Variants in DPP10 observed in about 807,000 individuals in gnomAD.
DPP10 encodes inactive dipeptidyl peptidase 10.
In DPP10, 33 loss-of-function variants were observed where a neutral mutation model predicts 120.9. The ratio of observed to expected loss-of-function variants is 0.27; its 90% confidence interval spans 0.21 to 0.37. The LOEUF is 0.37. DPP10 is among the 10% of genes least tolerant of loss of function. The pLI is 1.00. For synonymous variants in DPP10, 337 were observed against 326.1 expected, an observed-to-expected ratio of 1.03 and a Z score of -0.36; for missense variants, 816 against 942.8, an observed-to-expected ratio of 0.87 and a Z score of 1.76.
At chr2:114,697,749 CAAA>C (rs1205351658) in intron 1 of DPP10, among the ~76,000 whole-genome samples, 4 of 89,048 alleles carry the variant, frequency 4.5e-5, no homozygotes, top group Non-Finnish European at 2.2e-5. Context: ...GACTCTGTCT[CAAA>C]AAAAAAAAAA....
At chr2:114,941,664 G>A (rs1424233706) in intron 1 of DPP10, among the ~76,000 whole-genome samples, 2 of 152,142 alleles carry the variant, frequency 1.3e-5, no homozygotes, top group Non-Finnish European at 2.9e-5. Flanking sequence ...AAATTGTTGA[G>A]ATTAATTCAA....
At chr2:115,189,404 C>T (rs750746791) in intron 1 of DPP10, among the ~76,000 whole-genome samples, 9 of 152,044 alleles carry the variant, frequency 5.9e-5, no homozygotes, top group Non-Finnish European at 1.0e-4. Flanking sequence ...AGCAGGTGAC[C>T]AGGGGAACAG....
intron 1 of DPP10, among the ~76,000 whole-genome samples, chr2:114,969,732 C>T (rs931799234): frequency 6.6e-5 from 10 of 152,198 alleles, no homozygotes; most frequent in Middle Eastern, 3.4e-3. Context: ...AACCAACCAA[C>T]CAAACAAACA....
At chr2:114,799,061 G>A (rs144107692) in intron 1 of DPP10, among the ~76,000 whole-genome samples, 1,638 of 152,172 alleles carry the variant, frequency 0.011, 29 homozygotes, top group Middle Eastern at 0.024. Context: ...CCTGAGAGGC[G>A]GAGGTTGCAG....
chr2:115,365,404 C>G (rs1185678089), intron 3 of DPP10, among the ~76,000 whole-genome samples: 1 of 151,828 alleles, frequency 6.6e-6, no homozygotes, highest in Non-Finnish European at 1.5e-5. Context: ...ATCCTAGATT[C>G]CAAGAACTAA....
chr2:115,232,162 G>A (rs765681585), intron 1 of DPP10, among the ~76,000 whole-genome samples: 6 of 152,156 alleles, frequency 3.9e-5, no homozygotes, highest in Non-Finnish European at 7.4e-5. Context: ...CTTGGCATCG[G>A]AAGGCTCCCC....
intron 1 of DPP10, among the ~76,000 whole-genome samples, chr2:114,892,926 A>T (rs1426911474): frequency 6.6e-6 from 1 of 152,194 alleles, no homozygotes; most frequent in Non-Finnish European, 1.5e-5. Flanking sequence ...AGCAGAAGCA[A>T]CTGAAAATCT....
chr2:114,460,189 CTATCT>C (rs1678811120), intron 1 of DPP10, among the ~76,000 whole-genome samples: 1 of 151,144 alleles, frequency 6.6e-6, no homozygotes, highest in Non-Finnish European at 1.5e-5. Flanking sequence ...ATCTATCTAT[CTATCT>C]ATCTATCTAT....
At chr2:115,608,883 A>C (rs2149244443) in intron 5 of DPP10, among the ~76,000 whole-genome samples, 1 of 152,268 alleles carries the variant, frequency 6.6e-6, no homozygotes, top group African/African-American at 2.4e-5. Flanking sequence ...ACAAAGTTGA[A>C]GACATTGAAA....
chr2:115,458,682 T>G (rs2105046139), intron 3 of DPP10, among the ~76,000 whole-genome samples: 1 of 152,226 alleles, frequency 6.6e-6, no homozygotes, highest in East Asian at 1.9e-4. Flanking sequence ...GCTTGAATAT[T>G]GAGACTTTTG....
chr2:114,896,999 G>A lies in DPP10; in HGVS notation c.61-412240G>A, dbSNP rs1376808033. ...TCTGCATCTATTGAGATAATCATGT[G>A]GTTTTTGTCTTTGGCTCTGTTTATA... On this transcript the variant is annotated intron_variant, in intron 1 of 25. Transcript: ENST00000410059. 1.6e-4 allele frequency among the ~76,000 whole-genome samples: 25 copies of A among 152,070 alleles called. 1 individual carries two copies. Among genetic ancestry groups the A allele is most frequent in the Admixed American group, 1.6e-3 (25 of 15,262 alleles).
intron 17 of DPP10, among the ~76,000 whole-genome samples, chr2:115,786,872 G>A (rs1683402666): frequency 6.6e-6 from 1 of 152,168 alleles, no homozygotes. Context: ...GCTGGAAGAG[G>A]GATCACCCTG....
intron 1 of DPP10, among the ~76,000 whole-genome samples, chr2:114,553,339 G>T (rs948009349): frequency 1.3e-5 from 2 of 152,156 alleles, no homozygotes; most frequent in Admixed American, 6.5e-5. Flanking sequence ...AGTGGAAATT[G>T]GATCCACAGC....
At chr2:115,107,422 CTTT>C (rs59046305) in intron 1 of DPP10, among the ~76,000 whole-genome samples, 3,273 of 59,256 alleles carry the variant, frequency 0.055, 48 homozygotes, top group East Asian at 0.12. Flanking sequence ...TTGGTTATAG[CTTT>C]TTTTTTTTTT....
At chr2:115,379,068 A>G (rs1187083912) in intron 3 of DPP10, among the ~76,000 whole-genome samples, 13 of 152,214 alleles carry the variant, frequency 8.5e-5, no homozygotes, top group Non-Finnish European at 1.8e-4. Context: ...TGGCCTCATA[A>G]AATGAGTTAG....
At chr2:114,510,049 G>C (rs749445831) in intron 1 of DPP10, among the ~76,000 whole-genome samples, 1 of 152,164 alleles carries the variant, frequency 6.6e-6, no homozygotes, top group Non-Finnish European at 1.5e-5. Context: ...CACAGAAAAG[G>C]AGAAAGCTGG....
chr2:114,458,349 C>T (rs1678694684), intron 1 of DPP10, among the ~76,000 whole-genome samples: 1 of 152,150 alleles, frequency 6.6e-6, no homozygotes, highest in South Asian at 2.1e-4. Context: ...GTGGGAGAAT[C>T]ACAACTTGAC....
chr2:114,684,457 T>C (rs1312961716), intron 1 of DPP10, among the ~76,000 whole-genome samples: 1 of 152,018 alleles, frequency 6.6e-6, no homozygotes, highest in Admixed American at 6.6e-5. Context: ...GGTTAGCATA[T>C]GAAAGTGTTT....
chr2:114,870,452 A>T (rs1690596559), intron 1 of DPP10, among the ~76,000 whole-genome samples: 2 of 152,054 alleles, frequency 1.3e-5, no homozygotes, highest in Admixed American at 6.6e-5. Context: ...GTGTAAAAAA[A>T]AAATCCTCCA....
Sources: allele counts gnomAD v4.1 joint callset (sites outside exome capture counted in the v4.1 genomes callset), GRCh38; gene constraint gnomAD v4.1.1; transcripts MANE v1.5; gene names NCBI Gene and HGNC (gene_info 2026-07-23, HGNC 2026-07-21).